Variants in GRID2 observed in about 807,000 individuals in gnomAD.
GRID2 encodes the protein glutamate receptor ionotropic, delta-2.
A neutral mutation model predicts 114.8 loss-of-function variants in GRID2; 33 were observed. The ratio of observed to expected loss-of-function variants is 0.29; its 90% CI spans 0.22 to 0.38. The LOEUF (loss-of-function observed/expected upper bound fraction) is 0.38. GRID2 is among the 10% of genes least tolerant of loss of function. The probability of loss-of-function intolerance (pLI) is 1.00; values close to 1 mark genes in which losing one functional copy is unlikely to be tolerated. For missense variants in GRID2, 1,184 were observed against 1,257.7 expected (o/e 0.94, Z 0.89); for synonymous variants, 505 against 449.9 (o/e 1.12, Z -1.55).
intron 2 of GRID2, among the ~76,000 whole-genome samples, chr4:93,073,873 C>A (rs181874469): frequency 8.5e-5 from 13 of 152,318 alleles, no homozygotes; most frequent in Admixed American, 7.8e-4. Context: ...AGTGACAACA[C>A]CCTTAGGCCC....
chr4:92,881,244 C>A (rs1453240127), intron 2 of GRID2, among the ~76,000 whole-genome samples: 1 of 152,124 alleles, frequency 6.6e-6, no homozygotes. Flanking sequence ...ACTCATTCAC[C>A]AATTCAATGT....
At chr4:92,315,704 C>T (rs1374186791) in intron 1 of GRID2, among the ~76,000 whole-genome samples, 1 of 152,120 alleles carries the variant, frequency 6.6e-6, no homozygotes. Context: ...TGCACGGTGG[C>T]TCACGCCTGT....
chr4:93,373,777 G>T (rs1763135694), intron 8 of GRID2, among the ~76,000 whole-genome samples: 1 of 152,196 alleles, frequency 6.6e-6, no homozygotes, highest in South Asian at 2.1e-4. Context: ...ATTCTTGGGA[G>T]AACTGGGAAA....
intron 4 of GRID2, among the ~76,000 whole-genome samples, chr4:93,149,175 G>T (rs1736513453): frequency 6.6e-6 from 1 of 152,056 alleles, no homozygotes; most frequent in Admixed American, 6.6e-5. Flanking sequence ...AATACTTCTG[G>T]ATCAACAATG....
intron 1 of GRID2, among the ~76,000 whole-genome samples, chr4:92,526,017 G>A (rs1342196910): frequency 6.6e-6 from 1 of 152,064 alleles, no homozygotes; most frequent in East Asian, 1.9e-4. Flanking sequence ...AGGTTCTATG[G>A]TTTGTAGGAA....
chr4:92,950,049 G>A (rs1470547590), intron 2 of GRID2, among the ~76,000 whole-genome samples: 1 of 152,086 alleles, frequency 6.6e-6, no homozygotes, highest in African/African-American at 2.4e-5. Flanking sequence ...GAATCAAGAT[G>A]AGTCAATAAA....
At chr4:93,211,332 T>C (rs1470839131) in intron 5 of GRID2, among the ~76,000 whole-genome samples, 2 of 152,078 alleles carry the variant, frequency 1.3e-5, no homozygotes, top group Non-Finnish European at 2.9e-5. Context: ...GAAAAAATAA[T>C]AAAAATTTAT....
In GRID2 at chr4:93,455,790, G is replaced by A. The variant is rs781604511; in HGVS notation, c.1674G>A (p.Met558Ile). 1.2e-6 allele frequency: 2 copies of A among 1,613,230 alleles called. No homozygotes were observed. The highest frequency in any genetic ancestry group is 1.1e-5 in the South Asian group (1 of 91,072). The change falls in exon 11 of 16, where the codon ATG (methionine) becomes ATA (isoleucine). Residue 558 changes from methionine to isoleucine, a missense_variant. Physicochemically the swap from Met to Ile is conservative, Grantham distance 10. Around this residue, in one of 3 missense-constraint regions of GRID2, gnomAD observed 717 missense variants for 796.9 expected, o/e 0.90. Coordinates refer to ENST00000282020, the MANE Select transcript of GRID2 (RefSeq NM_001510.4). ...LLRRAEKTVD[M>I]FACLAPFDLS... Reference sequence around the variant, plus strand: ...GAAGGGCTGAAAAGACAGTGGATATGTTTGCCTGTCTTGCACCATTTGATC... The same window carrying A: ...GAAGGGCTGAAAAGACAGTGGATATATTTGCCTGTCTTGCACCATTTGATC...
chr4:93,366,449 G>T (rs1762345376), intron 8 of GRID2, among the ~76,000 whole-genome samples: 1 of 152,030 alleles, frequency 6.6e-6, no homozygotes, highest in African/African-American at 2.4e-5. Context: ...TGGTCACACT[G>T]GTTGATCTCT....
rs907794540 is a variant in GRID2, at chr4:92,675,025, G to T, written c.244+84739G>T. On this transcript the variant is annotated intron_variant, in intron 2 of 15. Coordinates refer to ENST00000282020, the MANE Select transcript of GRID2 (RefSeq NM_001510.4). ...ATAATTTATATCACACATTGTTGGG[G>T]CCATGTTGGTGAGCAGCCAGACTTA... 4.6e-5 allele frequency among the ~76,000 whole-genome samples: 7 copies of T among 152,158 alleles called. No individual in the cohort carries two copies. The South Asian group carries it at 8.3e-4, about 18-fold the overall frequency.
At chr4:93,535,231 TACACAC>T (rs141785727) in intron 13 of GRID2, among the ~76,000 whole-genome samples, 17,375 of 142,186 alleles carry the variant, frequency 0.12, 1,196 homozygotes, top group Non-Finnish European at 0.15. Context: ...CACATACACA[TACACAC>T]ACACACACAC....
chr4:92,352,034 C>G (rs1420200329), intron 1 of GRID2, among the ~76,000 whole-genome samples: 4 of 151,664 alleles, frequency 2.6e-5, no homozygotes, highest in South Asian at 4.1e-4. Flanking sequence ...GTGGGATTGC[C>G]GGATCATATG....
intron 12 of GRID2, among the ~76,000 whole-genome samples, chr4:93,499,593 C>T (rs1409650721): frequency 2.6e-5 from 4 of 151,790 alleles, no homozygotes; most frequent in African/African-American, 7.3e-5. Flanking sequence ...CCTTCTCTTC[C>T]GGTATCTTCC....
chr4:93,290,954 T>C (rs920085858), intron 8 of GRID2, among the ~76,000 whole-genome samples: 1 of 138,252 alleles, frequency 7.2e-6, no homozygotes, highest in Non-Finnish European at 1.5e-5. Flanking sequence ...CTCCGCTCAC[T>C]GCAAGCTCCG....
intron 12 of GRID2, among the ~76,000 whole-genome samples, chr4:93,503,741 G>A (rs1170121842): frequency 6.6e-6 from 1 of 151,938 alleles, no homozygotes; most frequent in Non-Finnish European, 1.5e-5. Flanking sequence ...TCCACAGTTT[G>A]AATGATGTTA....
At chr4:92,941,814 AT>A (rs1195492073) in intron 2 of GRID2, among the ~76,000 whole-genome samples, 2 of 152,104 alleles carry the variant, frequency 1.3e-5, no homozygotes, top group Admixed American at 6.5e-5. Context: ...TTCTGCGTTC[AT>A]TTTTTTGTGT....
At chr4:93,369,295 A>T (rs1762646217) in intron 8 of GRID2, among the ~76,000 whole-genome samples, 1 of 152,176 alleles carries the variant, frequency 6.6e-6, no homozygotes, top group South Asian at 2.1e-4. Context: ...GTCTTAAACA[A>T]ACAGTTGTCA....
chr4:93,012,876 AAT>A (rs199935141), intron 2 of GRID2, among the ~76,000 whole-genome samples: 3,651 of 152,088 alleles, frequency 0.024, 71 homozygotes, highest in Non-Finnish European at 0.042. Context: ...TATACGTGGG[AAT>A]ATATATGACA....
chr4:93,686,906 T>A (rs1726127021), intron 14 of GRID2, among the ~76,000 whole-genome samples: 1 of 151,994 alleles, frequency 6.6e-6, no homozygotes, highest in Admixed American at 6.6e-5. Flanking sequence ...CTGGTTTTAC[T>A]CTGAGTGAAA....
Sources: gnomAD v4.1 joint callset for allele counts (sites outside exome capture counted in the v4.1 genomes callset) on GRCh38, gnomAD v4.1.1 for gene constraint, gnomAD v4.1.1 regional missense constraint, MANE v1.5 for transcripts, NCBI Gene and HGNC (gene_info 2026-07-23, HGNC 2026-07-21) for gene names.